UBA6: variants seen among roughly 807,000 people sequenced by gnomAD.
The protein encoded by UBA6 is ubiquitin like modifier activating enzyme 6, also known as ubiquitin-like modifier-activating enzyme 6.
In UBA6, 87 loss-of-function variants were observed where a neutral mutation model predicts 148.3. The observed-to-expected ratio is 0.59, with a 90% confidence interval of 0.49 to 0.70. The LOEUF is 0.70. Ranked by LOEUF, UBA6 falls within the 30% of genes least tolerant of loss-of-function variation. UBA6 has a pLI of 0.00. For missense variants in UBA6, 1,186 were observed against 1,241.2 expected (o/e 0.96, Z 0.67); for synonymous variants, 376 against 401.0 (o/e 0.94, Z 0.75).
At position 67,670,502 on chromosome 4, in the gene UBA6, G is replaced by A. The variant is rs1273098064; in HGVS notation, c.637C>T (p.Pro213Ser). ...ATGTTTGAAATGAAAATTTCTTTTG[G>A]TTCTTCTCCTGTTGTATCTAAAACT... is the stretch of plus-strand genomic sequence containing the variant. ...FEVLDTTGEE[P>S]KEIFISNITQ... is the part of the protein sequence containing the mutation. The change falls in exon 8 of 33, where the codon CCA (proline) becomes TCA (serine). Residue 213 changes from proline to serine, a missense_variant. Coordinates refer to ENST00000322244, the MANE Select transcript of UBA6 (RefSeq NM_018227.6). 1 of 1,591,534 alleles carries A rather than the reference G, an allele frequency of 6.3e-7. No individual in the cohort carries two copies. Among genetic ancestry groups the A allele is most frequent in the East Asian group, 2.2e-5 (1 of 44,632 alleles).
At chr4:67,700,885 A>G (rs1196817447) in intron 1 of UBA6, among the ~76,000 whole-genome samples, 164 bp downstream of exon 1, 2 of 152,172 alleles carry the variant, frequency 1.3e-5, no homozygotes, top group Admixed American at 6.5e-5. Flanking sequence ...GCCCTAGCCC[A>G]CGTCGCCACA....
intron 9 of UBA6, among the ~76,000 whole-genome samples, chr4:67,666,509 C>G (rs1163628491): frequency 6.6e-6 from 1 of 151,892 alleles, no homozygotes; most frequent in Non-Finnish European, 1.5e-5. Context: ...TCATTTTTAA[C>G]CCTATTTAAA....
rs1388945223 is a variant in UBA6, at chr4:67,662,171, A to G, written c.1104+18T>C. On this transcript the variant is annotated intron_variant, in intron 13 of 32. Transcript: ENST00000322244. Reference sequence around the variant, plus strand: ...TTAACAAACAAATATTCGGACAGCCATAAATTTCAATAGTCACCTTCTCTT... The same window carrying G: ...TTAACAAACAAATATTCGGACAGCCGTAAATTTCAATAGTCACCTTCTCTT... The G allele has an allele frequency of 2.5e-6, 4 of 1,611,060 alleles. No individual in the cohort carries two copies. The East Asian group carries it at 6.7e-5, about 27-fold the overall frequency.
rs199618560 is a variant in UBA6, at chr4:67,677,650, G to C, written c.426C>G (p.Phe142Leu). ...AAAAGGAGAGATCTGTGGTCTCATTGAAAGGAACAGAAGATGATGTGACAT... is the reference window on the plus strand; with the variant it reads ...AAAAGGAGAGATCTGTGGTCTCATTCAAAGGAACAGAAGATGATGTGACAT... ...YVHVTSSSVP[F>L]NETTDLSFLD... The change falls in exon 6 of 33, where the codon TTC becomes TTG. Residue 142 changes from phenylalanine (F) to leucine (L), a missense_variant. Physicochemically the swap from Phe to Leu is conservative, Grantham distance 22. Coordinates refer to ENST00000322244, the MANE Select transcript of UBA6 (RefSeq NM_018227.6). 52 of 1,603,582 alleles carry C rather than the reference G, an allele frequency of 3.2e-5. No individual in the cohort carries two copies. The highest frequency in any genetic ancestry group is 3.8e-5 in the Non-Finnish European group (45 of 1,171,806).
intron 26 of UBA6, among the ~76,000 whole-genome samples, chr4:67,629,547 T>C (rs1335394564): frequency 6.6e-6 from 1 of 152,002 alleles, no homozygotes; most frequent in East Asian, 1.9e-4. Flanking sequence ...AATAAGTAAA[T>C]GGAATTCATA....
chr4:67,631,183 G>A (rs920654719), intron 25 of UBA6, among the ~76,000 whole-genome samples: 1 of 152,066 alleles, frequency 6.6e-6, no homozygotes, highest in African/African-American at 2.4e-5. Flanking sequence ...CCACATATGT[G>A]AGACCTTGTC....
At position 67,639,098 on chromosome 4, in the gene UBA6, A is replaced by C; in HGVS notation, c.1581T>G (p.Asp527Glu). ...IQKPKSYTAA[D>E]ATLKINSQIK... is the part of the protein sequence containing the mutation. Reference sequence around the variant, plus strand: ...TTTGAGAATTTATTTTCAGAGTAGCATCAGCAGCAGTGTAGCTTTTAGGTT... The same window carrying C: ...TTTGAGAATTTATTTTCAGAGTAGCCTCAGCAGCAGTGTAGCTTTTAGGTT... Residue 527 changes from aspartate to glutamate, a missense_variant, in exon 19 of 33, where the codon GAT becomes GAG. Transcript: ENST00000322244. 1 of 1,613,202 alleles carries C rather than the reference A, an allele frequency of 6.2e-7. No homozygotes were observed. Among genetic ancestry groups the C allele is most frequent in the Non-Finnish European group, 8.5e-7 (1 of 1,179,778 alleles).
chr4:67,622,449 A>G (rs758900530), intron 32 of UBA6, among the ~76,000 whole-genome samples: 4 of 152,232 alleles, frequency 2.6e-5, no homozygotes, highest in Non-Finnish European at 2.9e-5. Context: ...GCTAACTGCT[A>G]TCTCCCTAAT....
chr4:67,683,195 TCTA>T (rs1033658023), intron 2 of UBA6, among the ~76,000 whole-genome samples: 1 of 152,206 alleles, frequency 6.6e-6, no homozygotes, highest in African/African-American at 2.4e-5. Context: ...TTATTGAAAA[TCTA>T]CTATAGTATG....
At position 67,613,128 on chromosome 4, in the gene UBA6, T is replaced by C. The variant is rs1018629391; in HGVS notation, c.*5869A>G. The C allele has an allele frequency of 6.6e-6, 1 of 152,230 alleles. No homozygotes were observed. Among genetic ancestry groups the C allele is most frequent in the Non-Finnish European group, 1.5e-5 (1 of 68,026 alleles). The allele number at this position is 152,230 out of a possible 1,614,324, so 9.4% of individuals were successfully genotyped here. A position where few individuals can be genotyped will look rare whatever the true frequency, so the allele number is the denominator to read the frequency against. ...CATTACCACAGTCTGTGGCTCAGCT[T>C]TCAGTCACCTAGGTGACCTGGAAAA... On this transcript the variant is annotated 3_prime_UTR_variant, in exon 33 of 33. Transcript: ENST00000322244.
intron 13 of UBA6, among the ~76,000 whole-genome samples, chr4:67,650,652 C>T (rs569267389): frequency 5.3e-4 from 80 of 152,122 alleles, no homozygotes; most frequent in Non-Finnish European, 1.1e-3. Context: ...AGCACTCTCT[C>T]TGGATTTCAC....
In UBA6 at chr4:67,622,836, C is replaced by G; in HGVS notation, c.3018G>C (p.Lys1006Asn). Residue 1006 changes from lysine (K) to asparagine (N), a missense_variant, in exon 32 of 33, where the codon AAG (lysine) becomes AAC (asparagine). Coordinates refer to ENST00000322244, the MANE Select transcript of UBA6 (RefSeq NM_018227.6). ...PVMPGHAKRL[K>N]LTMHKLVKPT... ...ATATAATGTTGAATACTTACGTTAA[C>G]TTCAATCTTTTTGCATGACCAGGCA... 6.2e-7 allele frequency: 1 copy of G among 1,607,798 alleles called. No homozygotes were observed. The highest frequency in any genetic ancestry group is 8.5e-7 in the Non-Finnish European group (1 of 1,177,402).
intron 7 of UBA6, among the ~76,000 whole-genome samples, chr4:67,671,862 C>T (rs528528058): frequency 9.2e-5 from 14 of 152,192 alleles, no homozygotes; most frequent in African/African-American, 3.4e-4. Flanking sequence ...AAACCTCTTC[C>T]CAATGTCACT....
intron 32 of UBA6, among the ~76,000 whole-genome samples, chr4:67,621,340 T>A (rs1407781047): frequency 6.6e-6 from 1 of 152,250 alleles, no homozygotes; most frequent in East Asian, 1.9e-4. Flanking sequence ...ATAGATACGT[T>A]AAACACAACC....
chr4:67,634,258 G>A lies in UBA6; in HGVS notation c.1997C>T (p.Ala666Val), dbSNP rs565576256. The A allele has an allele frequency of 1.9e-6, 3 of 1,594,310 alleles. 1 individual carries two copies. The South Asian group carries it at 3.5e-5, about 19-fold the overall frequency. ...GATTTTTACCTGTAAGACTTCTTCTGCAGATGAATAGGTTTGCCAAAATTT... is the reference window on the plus strand; with the variant it reads ...GATTTTTACCTGTAAGACTTCTTCTACAGATGAATAGGTTTGCCAAAATTT... ...FNKFWQTYSS[A>V]EEVLQKIQSG... Residue 666 changes from alanine (A) to valine (V), a missense_variant, in exon 22 of 33, where the codon GCA becomes GTA. Coordinates refer to ENST00000322244, the MANE Select transcript of UBA6 (RefSeq NM_018227.6).
chr4:67,693,075 C>G (rs868376622), intron 2 of UBA6, among the ~76,000 whole-genome samples: 34 of 152,200 alleles, frequency 2.2e-4, no homozygotes, highest in African/African-American at 7.0e-4. Flanking sequence ...TTACATATTT[C>G]CATAGTTACA....
In UBA6 at chr4:67,639,239, T is replaced by C. The variant is rs1395468843; in HGVS notation, c.1555-115A>G. 24 of 754,080 alleles carry C rather than the reference T, an allele frequency of 3.2e-5. No individual in the cohort carries two copies. In the South Asian group the frequency reaches 4.7e-4, roughly 15 times the overall value. The allele number at this position is 754,080 out of a possible 1,614,324, so 46.7% of individuals were successfully genotyped here. On this transcript the variant is annotated intron_variant, in intron 18 of 32. Transcript: ENST00000322244. ...TAAGTTCAGTCATAGTCCATACATATATAATGAGAGTAATGAGACCAGTTT... is the reference window on the plus strand; with the variant it reads ...TAAGTTCAGTCATAGTCCATACATACATAATGAGAGTAATGAGACCAGTTT...
chr4:67,668,539 A>G lies in UBA6; in HGVS notation c.793+12T>C. On this transcript the variant is annotated intron_variant, in intron 9 of 32. Coordinates refer to ENST00000322244, the MANE Select transcript of UBA6 (RefSeq NM_018227.6). ...ATAAGTATAAATGAATTAATAAAAC[A>G]CATTGACTTACCCGTTATTTGTTGT... 1.2e-6 allele frequency: 2 copies of G among 1,604,842 alleles called. No homozygotes were observed. Among genetic ancestry groups the G allele is most frequent in the Middle Eastern group, 1.7e-4 (1 of 5,842 alleles).
At chr4:67,626,555 A>G in intron 27 of UBA6, 78 bp from the exon 28 acceptor site, 1 of 862,354 alleles carries the variant, frequency 1.2e-6, no homozygotes, top group Non-Finnish European at 1.8e-6. Context: ...TGTTTTATCA[A>G]ATTACAAAGA....
Sources: gnomAD v4.1 joint callset for allele counts (sites outside exome capture counted in the v4.1 genomes callset) on GRCh38, gnomAD v4.1.1 for gene constraint, MANE v1.5 for transcripts, NCBI Gene and HGNC (gene_info 2026-07-23, HGNC 2026-07-21) for gene names.